CNPY1: variants seen among roughly 807,000 people sequenced by gnomAD.
CNPY1 encodes the protein canopy FGF signaling regulator 1.
In CNPY1, 14 loss-of-function variants were observed where a neutral mutation model predicts 14.4. The ratio of observed to expected loss-of-function variants is 0.97; its 90% CI spans 0.64 to 1.52. CNPY1 has a LOEUF of 1.52. Ranked by LOEUF, CNPY1 falls within the 40% of genes most tolerant of loss-of-function variation. The probability of loss-of-function intolerance (pLI) is 0.00; values close to 1 mark genes in which losing one functional copy is unlikely to be tolerated. For synonymous variants in CNPY1, 43 were observed against 46.5 expected (o/e 0.92, Z 0.31); for missense variants, 129 against 131.5 (o/e 0.98, Z 0.09).
rs1323958561 is a variant in CNPY1 at position 155,503,051 on chromosome 7, C to T, written c.*17G>A. On this transcript the variant is annotated 3_prime_UTR_variant, in exon 5 of 5. Transcript: ENST00000636446. ...GGTGTGACTTTACTCCTCTCTACGA[C>T]CAGCAGAACGGCACTCCTAGAGCTC... 15 of 1,608,056 alleles carry T rather than the reference C, an allele frequency of 9.3e-6. No homozygotes were observed. In the African/African-American group the frequency reaches 1.6e-4, roughly 17 times the overall value.
rs61377945 is a variant in CNPY1, at chr7:155,504,689, AACACACACACAC to A, written c.401-1596_401-1585del. On this transcript the variant is annotated intron_variant, in intron 4 of 4. Transcript: ENST00000636446. ...CTTAATGTGCAGTTTCATACCCCCC[AACACACACACAC>A]ACACACACACACACACACACACACA... Among the ~76,000 whole-genome samples the A allele has an allele frequency of 2.7e-3, 390 of 145,158 alleles. 2 individuals are homozygous for A. Among genetic ancestry groups the A allele is most frequent in the Middle Eastern group, 6.9e-3 (2 of 288 alleles).
At chr7:155,535,190 C>A (rs950032554) in intron 2 of CNPY1, among the ~76,000 whole-genome samples, 1 of 152,202 alleles carries the variant, frequency 6.6e-6, no homozygotes, top group Admixed American at 6.5e-5. Context: ...CCTGCCTTTG[C>A]CTGGTCAGTA....
At chr7:155,526,280 A>G (rs1796817334) in intron 2 of CNPY1, among the ~76,000 whole-genome samples, 1 of 152,226 alleles carries the variant, frequency 6.6e-6, no homozygotes, top group African/African-American at 2.4e-5. Flanking sequence ...ATGTTCACCC[A>G]GGAAACACCC....
chr7:155,540,829 G>A (rs548063316), intron 2 of CNPY1, among the ~76,000 whole-genome samples: 4 of 152,226 alleles, frequency 2.6e-5, no homozygotes, highest in Non-Finnish European at 5.9e-5. Context: ...CCCGCTGAGA[G>A]CAGCAGTGCA....
chr7:155,523,047 G>A (rs180737365), intron 2 of CNPY1, among the ~76,000 whole-genome samples: 3 of 152,234 alleles, frequency 2.0e-5, no homozygotes, highest in Admixed American at 6.5e-5. Flanking sequence ...TTCTTTACCC[G>A]ATTTGTGGAT....
chr7:155,541,104 A>G lies in CNPY1; in HGVS notation c.99+4727T>C, dbSNP rs149095048. On this transcript the variant is annotated intron_variant, in intron 2 of 4. Coordinates refer to ENST00000636446, the MANE Select transcript of CNPY1 (RefSeq NM_001393663.1). ...AAGACATCCCACCTACGGTGGCAGCAGGGGTGGTCTCCCACCTGTCCCCAA... is the reference window on the plus strand; with the variant it reads ...AAGACATCCCACCTACGGTGGCAGCGGGGGTGGTCTCCCACCTGTCCCCAA... Among the ~76,000 whole-genome samples the G allele has an allele frequency of 5.6e-3, 847 of 152,330 alleles. 5 individuals are homozygous for G. Among genetic ancestry groups the G allele is most frequent in the African/African-American group, 0.019 (804 of 41,590 alleles).
chr7:155,526,183 A>G (rs986417495), intron 2 of CNPY1, among the ~76,000 whole-genome samples: 4 of 152,236 alleles, frequency 2.6e-5, no homozygotes, highest in African/African-American at 9.6e-5. Context: ...CCACAAATTC[A>G]TCTTTGTAAA....
intron 2 of CNPY1, among the ~76,000 whole-genome samples, chr7:155,515,173 A>G (rs1796593759): frequency 6.6e-6 from 1 of 152,158 alleles, no homozygotes; most frequent in Non-Finnish European, 1.5e-5. Flanking sequence ...CGCTGCAAGC[A>G]GAGGGGCTTC....
At chr7:155,513,720 T>C (rs116523402) in intron 2 of CNPY1, among the ~76,000 whole-genome samples, 13 of 151,650 alleles carry the variant, frequency 8.6e-5, no homozygotes, top group African/African-American at 3.1e-4. Context: ...TTAACAGTGA[T>C]CAAACAGAAA....
intron 2 of CNPY1, among the ~76,000 whole-genome samples, chr7:155,527,058 T>TTTCTTTCTTTCTTTC (rs751755665): frequency 0.017 from 668 of 39,432 alleles, 7 homozygotes; most frequent in Middle Eastern, 0.07. Context: ...TTCTTTCTTT[T>TTTCTTTCTTTCTTTC]TTTTTTTTTT....
At chr7:155,539,298 C>A (rs1384598068) in intron 2 of CNPY1, among the ~76,000 whole-genome samples, 2 of 152,298 alleles carry the variant, frequency 1.3e-5, no homozygotes, top group Non-Finnish European at 2.9e-5. Context: ...TTGGACATGA[C>A]CCACTTCTTA....
intron 3 of CNPY1, 30 bp downstream of exon 3, chr7:155,508,864 T>G (rs746328118): frequency 1.9e-6 from 3 of 1,609,728 alleles, no homozygotes; most frequent in Non-Finnish European, 2.5e-6. Context: ...TTCTGGATCA[T>G]ACGATTCATC....
At chr7:155,513,025 C>T (rs1392221688) in intron 2 of CNPY1, among the ~76,000 whole-genome samples, 3 of 152,128 alleles carry the variant, frequency 2.0e-5, no homozygotes, top group Non-Finnish European at 2.9e-5. Context: ...TTCAAAGCTC[C>T]TTTGCTCTAG....
At chr7:155,521,616 A>G (rs1275586995) in intron 2 of CNPY1, among the ~76,000 whole-genome samples, 2 of 152,244 alleles carry the variant, frequency 1.3e-5, no homozygotes. Flanking sequence ...TGTACAGCCC[A>G]TGAGCTGAGA....
chr7:155,518,158 T>C (rs1563090188), intron 2 of CNPY1, among the ~76,000 whole-genome samples: 1 of 152,152 alleles, frequency 6.6e-6, no homozygotes, highest in Non-Finnish European at 1.5e-5. Context: ...GGTGGCCAGA[T>C]CCACAGTGCT....
Position 155,502,003 on chromosome 7 carries a change from T to TTGG in CNPY1, c.*1064_*1065insCCA, listed in dbSNP as rs1554446751. ...GCAAAGAGTTTTGGGTCGGGGGGGT[T>TTGG]GGGGGGGGGATTTGTAGCATCCTAC... is the stretch of plus-strand genomic sequence containing the variant. On this transcript the variant is annotated 3_prime_UTR_variant, in exon 5 of 5. Transcript: ENST00000636446. 8.0e-6 allele frequency: 1 copy of TTGG among 125,326 alleles called. No homozygotes were observed. Among genetic ancestry groups the TTGG allele is most frequent in the Non-Finnish European group, 1.7e-5 (1 of 60,134 alleles). The allele number at this position is 125,326 out of a possible 1,614,324, so 7.8% of individuals were successfully genotyped here.
intron 2 of CNPY1, among the ~76,000 whole-genome samples, chr7:155,543,540 A>T (rs1397477074): frequency 1.3e-5 from 2 of 152,322 alleles, no homozygotes; most frequent in African/African-American, 4.8e-5. Context: ...GAAGGATGAG[A>T]GACCTTCTAG....
At chr7:155,517,248 G>A (rs1479974165) in intron 2 of CNPY1, among the ~76,000 whole-genome samples, 1 of 152,124 alleles carries the variant, frequency 6.6e-6, no homozygotes, top group Non-Finnish European at 1.5e-5. Flanking sequence ...GAGGACATTA[G>A]GAAACCGACA....
chr7:155,542,122 T>G (rs1797091426), intron 2 of CNPY1, among the ~76,000 whole-genome samples: 2 of 151,642 alleles, frequency 1.3e-5, no homozygotes, highest in Non-Finnish European at 2.9e-5. Flanking sequence ...TGTGGAGTAT[T>G]CACAACCCCT....
Sources: gnomAD v4.1 joint callset for allele counts (sites outside exome capture counted in the v4.1 genomes callset) on GRCh38, gnomAD v4.1.1 for gene constraint, MANE v1.5 for transcripts, NCBI Gene and HGNC (gene_info 2026-07-23, HGNC 2026-07-21) for gene names.